Variants in ULK4 observed in about 807,000 individuals in gnomAD.
ULK4 encodes the protein unc-51 like kinase 4.
In ULK4, 133 loss-of-function variants were observed where a neutral mutation model predicts 160.6. The observed-to-expected ratio is 0.83, with a 90% CI of 0.72 to 0.96. The LOEUF (loss-of-function observed/expected upper bound fraction) is 0.96. Ranked by LOEUF, ULK4 falls within the 40% of genes least tolerant of loss-of-function variation. The probability of loss-of-function intolerance (pLI) is 0.00; values close to 1 mark genes in which losing one functional copy is unlikely to be tolerated. For missense variants in ULK4, 1,580 were observed against 1,499.5 expected, an observed-to-expected ratio of 1.05 and a Z score of -0.89; for synonymous variants, 534 against 539.8, an observed-to-expected ratio of 0.99 and a Z score of 0.15.
chr3:41,541,448 A>G (rs1158100213), intron 32 of ULK4, among the ~76,000 whole-genome samples: 1 of 152,120 alleles, frequency 6.6e-6, no homozygotes, highest in Non-Finnish European at 1.5e-5. Flanking sequence ...GCATAGTTTG[A>G]AGTCAGGTAG....
chr3:41,599,524 C>T (rs534317593), intron 31 of ULK4, among the ~76,000 whole-genome samples: 1 of 151,416 alleles, frequency 6.6e-6, no homozygotes, highest in Admixed American at 6.6e-5. Context: ...AGAGAATGTA[C>T]TTAAACACAG....
intron 35 of ULK4, among the ~76,000 whole-genome samples, chr3:41,276,524 A>T (rs1366418953): frequency 6.6e-6 from 1 of 152,234 alleles, no homozygotes; most frequent in Non-Finnish European, 1.5e-5. Flanking sequence ...CTCAAGACAG[A>T]TTGACTGAAA....
intron 21 of ULK4, among the ~76,000 whole-genome samples, chr3:41,773,458 A>T (rs1207673983): frequency 6.6e-6 from 1 of 152,106 alleles, no homozygotes; most frequent in African/African-American, 2.4e-5. Context: ...TCATGAGTGA[A>T]CTCCCATTCA....
At chr3:41,473,348 A>C (rs2084043561) in intron 32 of ULK4, among the ~76,000 whole-genome samples, 1 of 152,164 alleles carries the variant, frequency 6.6e-6, no homozygotes, top group Non-Finnish European at 1.5e-5. Flanking sequence ...TAAAGATTCC[A>C]CCATATAAAA....
chr3:41,723,194 CT>C (rs1205803731), intron 22 of ULK4, among the ~76,000 whole-genome samples: 1 of 151,902 alleles, frequency 6.6e-6, no homozygotes, highest in African/African-American at 2.4e-5. Context: ...CATAATTCCT[CT>C]TTTCTCAGGA....
At chr3:41,356,982 T>C (rs752312377) in intron 35 of ULK4, among the ~76,000 whole-genome samples, 2 of 152,140 alleles carry the variant, frequency 1.3e-5, no homozygotes, top group Non-Finnish European at 2.9e-5. Context: ...AAAGGTATGA[T>C]AGTGAGTCAC....
rs771394923 is a variant in ULK4 at position 41,615,702 on chromosome 3, G to A, written c.3087C>T (p.Ser1029=). 13 of 1,613,170 alleles carry A rather than the reference G, an allele frequency of 8.1e-6. No individual in the cohort carries two copies. The highest frequency in any genetic ancestry group is 1.7e-5 in the Admixed American group (1 of 59,960). ...NPTFTRLVEE[S]KLIPLIFEVT... ...CTTCAAAAATGAGTGGGATCAGTTT[G>A]CTTTCTTCCACAAGTCTGTTAAAAA... The change falls in exon 31 of 37, where the codon AGC becomes AGT. Residue 1029 remains serine (S), a synonymous_variant. Coordinates refer to ENST00000301831, the MANE Select transcript of ULK4 (RefSeq NM_017886.4).
intron 27 of ULK4, among the ~76,000 whole-genome samples, chr3:41,699,928 C>A (rs539134092): frequency 6.6e-6 from 1 of 152,226 alleles, no homozygotes; most frequent in Admixed American, 6.5e-5. Flanking sequence ...AAATTAATTT[C>A]TATTTGAATG....
chr3:41,681,730 C>T, intron 28 of ULK4, 23 bp downstream of exon 28: 1 of 1,614,008 alleles, frequency 6.2e-7, no homozygotes, highest in South Asian at 1.1e-5. Flanking sequence ...TGATGCAATT[C>T]TTGCTGGTGT....
chr3:41,845,964 A>G (rs2042060231), intron 17 of ULK4, among the ~76,000 whole-genome samples: 1 of 152,248 alleles, frequency 6.6e-6, no homozygotes, highest in Admixed American at 6.5e-5. Flanking sequence ...ATAATCCACT[A>G]GTATTTTGTG....
chr3:41,256,339 G>A lies in ULK4; in HGVS notation c.3679-6765C>T, dbSNP rs551067015. 5.1e-4 allele frequency among the ~76,000 whole-genome samples: 77 copies of A among 152,228 alleles called. 1 individual carries two copies. The highest frequency in any genetic ancestry group is 1.6e-3 in the Admixed American group (24 of 15,282). On this transcript the variant is annotated intron_variant, in intron 35 of 36. Transcript: ENST00000301831. ...GCCATCATACTACCCAACTTTAAGA[G>A]GCACTACATGATTCCAGCAACCATG... is the stretch of plus-strand genomic sequence containing the variant.
chr3:41,618,298 G>C (rs774796554), intron 30 of ULK4, among the ~76,000 whole-genome samples: 41 of 152,048 alleles, frequency 2.7e-4, no homozygotes, highest in African/African-American at 3.4e-4. Context: ...TCCTCAAGAA[G>C]AACAACTCCA....
At chr3:41,267,580 A>T (rs1318812905) in intron 35 of ULK4, among the ~76,000 whole-genome samples, 1 of 152,082 alleles carries the variant, frequency 6.6e-6, no homozygotes, top group East Asian at 1.9e-4. Flanking sequence ...ATCCTTTAAA[A>T]CTTATCTTGG....
chr3:41,816,392 C>T (rs933589603), intron 19 of ULK4, among the ~76,000 whole-genome samples: 1 of 151,974 alleles, frequency 6.6e-6, no homozygotes, highest in East Asian at 1.9e-4. Context: ...AGAGTTCCTA[C>T]GAAGCAATAG....
At chr3:41,365,299 A>G (rs2081233723) in intron 35 of ULK4, among the ~76,000 whole-genome samples, 1 of 152,240 alleles carries the variant, frequency 6.6e-6, no homozygotes, top group Non-Finnish European at 1.5e-5. Context: ...AATATTTGGT[A>G]GCCTTCACAA....
chr3:41,959,176 T>G (rs1380035080), intron 1 of ULK4, among the ~76,000 whole-genome samples: 1 of 151,940 alleles, frequency 6.6e-6, no homozygotes, highest in Non-Finnish European at 1.5e-5. Flanking sequence ...CCATCCTGGC[T>G]AACACAGTGA....
At chr3:41,800,589 A>G (rs569946682) in intron 19 of ULK4, among the ~76,000 whole-genome samples, 1 of 152,346 alleles carries the variant, frequency 6.6e-6, no homozygotes, top group Non-Finnish European at 1.5e-5. Context: ...ACTACACACT[A>G]CTGCTGAAAC....
intron 35 of ULK4, among the ~76,000 whole-genome samples, chr3:41,353,987 C>A (rs2080976914): frequency 6.6e-6 from 1 of 152,166 alleles, no homozygotes; most frequent in Non-Finnish European, 1.5e-5. Flanking sequence ...GACCCATGCT[C>A]TTTCCATTGT....
intron 21 of ULK4, among the ~76,000 whole-genome samples, chr3:41,766,413 A>G (rs1172724865): frequency 2.0e-5 from 3 of 152,256 alleles, no homozygotes; most frequent in African/African-American, 7.2e-5. Context: ...TATTGGATTT[A>G]TTTTATAGAT....
Sources: allele counts gnomAD v4.1 joint callset (sites outside exome capture counted in the v4.1 genomes callset), GRCh38; gene constraint gnomAD v4.1.1; transcripts MANE v1.5; gene names NCBI Gene and HGNC (gene_info 2026-07-23, HGNC 2026-07-21).